Variants in GLCCI1 observed in about 807,000 individuals in gnomAD.
GLCCI1 encodes the protein glucocorticoid-induced transcript 1 protein.
Under a neutral mutation model 52.2 loss-of-function variants are expected in GLCCI1, and 24 were observed. That is an observed-to-expected ratio of 0.46 (90% CI 0.33 to 0.65). The LOEUF (loss-of-function observed/expected upper bound fraction) is 0.65. Ranked by LOEUF, GLCCI1 falls within the 30% of genes least tolerant of loss-of-function variation. GLCCI1 has a pLI of 0.02. For synonymous variants in GLCCI1, 310 were observed against 276.5 expected (o/e 1.12, Z -1.20); for missense variants, 704 against 701.5 (o/e 1.00, Z -0.04).
intron 2 of GLCCI1, among the ~76,000 whole-genome samples, chr7:8,013,904 T>G (rs1210260531): frequency 1.3e-5 from 2 of 152,296 alleles, no homozygotes; most frequent in East Asian, 3.9e-4. Context: ...CGTTATTTAT[T>G]TCTTGGTATG....
At chr7:8,048,758 G>A (rs1008569969) in intron 3 of GLCCI1, among the ~76,000 whole-genome samples, 2 of 152,128 alleles carry the variant, frequency 1.3e-5, no homozygotes, top group African/African-American at 2.4e-5. Flanking sequence ...TCACAGCACA[G>A]CAAGTGTCAA....
Position 7,969,336 on chromosome 7 carries a change from GC to G in GLCCI1, c.-12del. 2 of 1,466,724 alleles carry G rather than the reference GC, an allele frequency of 1.4e-6. No homozygotes were observed. The highest frequency in any genetic ancestry group is 1.8e-6 in the Non-Finnish European group (2 of 1,108,952). The allele number at this position is 1,466,724 out of a possible 1,614,324, so 90.9% of individuals were successfully genotyped here. A position where few individuals can be genotyped will look rare whatever the true frequency, so the allele number is the denominator to read the frequency against. On this transcript the variant is annotated 5_prime_UTR_variant, in exon 1 of 8. Coordinates refer to ENST00000223145, the MANE Select transcript of GLCCI1 (RefSeq NM_138426.4). The surrounding 1 kb of genome is among the most constrained non-coding windows in gnomAD (Gnocchi z 4.9). ...TCCGTGTCGGCCGGCGGCGTCCAGG[GC>G]CCGCAGAGCCACCATGTCCACTGCC...
At position 7,969,446 on chromosome 7, in the gene GLCCI1, C is replaced by A. The variant is rs144036658; in HGVS notation, c.96C>A (p.Pro32=). The A allele has an allele frequency of 0.053, 63,163 of 1,197,156 alleles. 1,869 individuals carry two copies. The highest frequency in any genetic ancestry group is 0.059 in the Non-Finnish European group (56,926 of 963,100). 74.2% of individuals were successfully genotyped at this position (1,197,156 alleles called of 1,614,324 possible). A position where few individuals can be genotyped will look rare whatever the true frequency, so the allele number is the denominator to read the frequency against. The change falls in exon 1 of 8, where the codon CCC becomes CCA. Residue 32 remains proline, a synonymous_variant. Transcript: ENST00000223145. This position sits in a 1 kb window ranked among gnomAD's most constrained non-coding sequence, Gnocchi z 4.9. ...RMRRSAAGSP[P]AVAAAGSGNG... Reference sequence around the variant, plus strand: ...GGCGCAGCGCCGCGGGGTCCCCGCCCGCCGTCGCCGCCGCCGGGAGCGGGA... The same window carrying A: ...GGCGCAGCGCCGCGGGGTCCCCGCCAGCCGTCGCCGCCGCCGGGAGCGGGA...
At chr7:8,049,169 T>G (rs1024555499) in intron 3 of GLCCI1, among the ~76,000 whole-genome samples, 1 of 152,102 alleles carries the variant, frequency 6.6e-6, no homozygotes, top group Non-Finnish European at 1.5e-5. Context: ...AATAAATGAT[T>G]AGGGATGTTT....
In GLCCI1 at chr7:8,084,921, C is replaced by T. The variant is rs745623987; in HGVS notation, c.1202C>T (p.Pro401Leu). 2 of 1,613,986 alleles carry T rather than the reference C, an allele frequency of 1.2e-6. No homozygotes were observed. Residue 401 changes from proline (P) to leucine (L), a missense_variant, in exon 7 of 8, where the codon CCC (proline) becomes CTC (leucine). By Grantham distance (98) the Pro-to-Leu change is moderately conservative (BLOSUM62 -3). Transcript: ENST00000223145. ...DKDSGSSSPL[P>L]KYASSPKPNN... ...GACAGTGGGAGTAGCTCACCGTTAC[C>T]CAAGTATGCTTCATCTCCCAAACCA...
At chr7:8,084,757 A>G (rs1034028531) in intron 6 of GLCCI1, 140 bp from the exon 7 acceptor site, 20 of 749,658 alleles carry the variant, frequency 2.7e-5, no homozygotes, top group Non-Finnish European at 2.1e-6. Context: ...CACAGGGTAT[A>G]AGAAATAGCT....
chr7:8,086,393 G>A lies in GLCCI1; in HGVS notation c.1499G>A (p.Arg500Gln), dbSNP rs541845412. ...CTGACCGTTGAGCAGCTCTCATCCCGGGTTTCCTTTACGTCTCTTTCTGAT... is the reference window on the plus strand; with the variant it reads ...CTGACCGTTGAGCAGCTCTCATCCCAGGTTTCCTTTACGTCTCTTTCTGAT... ...ATLTVEQLSS[R>Q]VSFTSLSDDT... Residue 500 changes from arginine to glutamine, a missense_variant, in exon 8 of 8, where the codon CGG becomes CAG. Physicochemically the swap from Arg to Gln is conservative, Grantham distance 43 (BLOSUM62 1). Transcript: ENST00000223145. This position sits in a 1 kb window ranked among gnomAD's most constrained non-coding sequence, Gnocchi z 4.4. The A allele has an allele frequency of 8.7e-6, 14 of 1,614,070 alleles. No individual in the cohort carries two copies. The highest frequency in any genetic ancestry group is 5.3e-5 in the African/African-American group (4 of 75,010).
chr7:8,019,220 T>G (rs548292310), intron 2 of GLCCI1, among the ~76,000 whole-genome samples: 5 of 152,182 alleles, frequency 3.3e-5, no homozygotes, highest in Admixed American at 2.0e-4. Context: ...ATTTGTGTTG[T>G]CCTATATGAC....
chr7:8,043,051 G>C (rs1309904249), intron 3 of GLCCI1, among the ~76,000 whole-genome samples: 1 of 152,176 alleles, frequency 6.6e-6, no homozygotes, highest in East Asian at 1.9e-4. Context: ...CGAGACAAGA[G>C]CTTCACCATA....
intron 5 of GLCCI1, chr7:8,070,452 C>T (rs965485302): frequency 6.5e-6 from 1 of 154,852 alleles, no homozygotes; most frequent in Non-Finnish European, 1.4e-5. Flanking sequence ...CTGTTCATAA[C>T]CTCTAAAAAT....
At chr7:8,014,196 G>A (rs1465524342) in intron 2 of GLCCI1, among the ~76,000 whole-genome samples, 1 of 152,018 alleles carries the variant, frequency 6.6e-6, no homozygotes, top group African/African-American at 2.4e-5. Flanking sequence ...TCACCATGTT[G>A]GTCAGGCTGG....
chr7:8,017,563 G>A (rs1781405039), intron 2 of GLCCI1, among the ~76,000 whole-genome samples: 1 of 152,124 alleles, frequency 6.6e-6, no homozygotes, highest in Non-Finnish European at 1.5e-5. Context: ...TGATGATGCT[G>A]CTGCTCATTT....
chr7:8,032,215 G>T (rs1280815591), intron 3 of GLCCI1, among the ~76,000 whole-genome samples: 1 of 151,942 alleles, frequency 6.6e-6, no homozygotes, highest in Non-Finnish European at 1.5e-5. Context: ...ATTTTCAATT[G>T]AGTGAAAATG....
chr7:8,058,078 A>T (rs1182049762), intron 4 of GLCCI1, among the ~76,000 whole-genome samples: 4 of 152,202 alleles, frequency 2.6e-5, no homozygotes, highest in Non-Finnish European at 5.9e-5. Flanking sequence ...TATGATTGGA[A>T]TTTTCCATAA....
chr7:8,009,945 T>C (rs34475980), intron 2 of GLCCI1, among the ~76,000 whole-genome samples: 3,397 of 152,002 alleles, frequency 0.022, 58 homozygotes, highest in East Asian at 0.09. Flanking sequence ...GTTTTTTTTT[T>C]TCTTAGAGTT....
At chr7:8,076,322 G>A (rs1562451976) in intron 6 of GLCCI1, among the ~76,000 whole-genome samples, 1 of 152,052 alleles carries the variant, frequency 6.6e-6, no homozygotes, top group Non-Finnish European at 1.5e-5. Context: ...TCTTTATATG[G>A]TTCTAGGGCG....
chr7:8,076,351 C>A (rs1390867909), intron 6 of GLCCI1, among the ~76,000 whole-genome samples: 2 of 152,036 alleles, frequency 1.3e-5, no homozygotes, highest in East Asian at 3.8e-4. Flanking sequence ...CCTAGAAGGA[C>A]CTTTTGGTGG....
chr7:7,979,589 T>G (rs1296223262), intron 1 of GLCCI1, among the ~76,000 whole-genome samples: 2 of 152,208 alleles, frequency 1.3e-5, no homozygotes, highest in Non-Finnish European at 2.9e-5. Context: ...TGCCTTTACC[T>G]ATTATAATAT....
At chr7:8,056,078 A>G (rs1782391867) in intron 4 of GLCCI1, among the ~76,000 whole-genome samples, 1 of 151,792 alleles carries the variant, frequency 6.6e-6, no homozygotes, top group South Asian at 2.1e-4. Flanking sequence ...CAGGTGGATC[A>G]CTTGAGGTCA....
Sources: gnomAD v4.1 joint callset for allele counts (sites outside exome capture counted in the v4.1 genomes callset) on GRCh38, gnomAD v4.1.1 for gene constraint, Gnocchi (gnomAD v3.1) non-coding constraint, MANE v1.5 for transcripts, NCBI Gene and HGNC (gene_info 2026-07-23, HGNC 2026-07-21) for gene names.